The following ZEB1 variants were observed in gnomAD, a reference collection of about 807,000 sequenced individuals.
ZEB1 encodes the protein zinc finger E-box-binding homeobox 1.
Under a neutral mutation model 84.9 loss-of-function variants are expected in ZEB1, and 21 were observed. That is an observed-to-expected ratio of 0.25 (90% CI 0.18 to 0.36). ZEB1 has a LOEUF of 0.36. Ranked by LOEUF, ZEB1 falls within the 10% of genes least tolerant of loss-of-function variation. The pLI is 1.00. For missense variants in ZEB1, 1,104 were observed against 1,330.2 expected, an observed-to-expected ratio of 0.83 and a Z score of 2.65; for synonymous variants, 420 against 471.1, an observed-to-expected ratio of 0.89 and a Z score of 1.41.
At chr10:31,525,418 C>T (rs892360761) in intron 8 of ZEB1, among the ~76,000 whole-genome samples, 4 of 152,202 alleles carry the variant, frequency 2.6e-5, no homozygotes, top group African/African-American at 7.2e-5. Flanking sequence ...ATACTCCCAT[C>T]ATGGTGGATT....
In ZEB1 at chr10:31,528,351, T is replaced by C. The variant is rs959963490; in HGVS notation, c.*1087T>C. 3 of 152,204 alleles carry C rather than the reference T, an allele frequency of 2.0e-5. No homozygotes were observed. Among genetic ancestry groups the C allele is most frequent in the Non-Finnish European group, 4.4e-5 (3 of 68,030 alleles). The allele number at this position is 152,204 out of a possible 1,614,324, so 9.4% of individuals were successfully genotyped here. On this transcript the variant is annotated 3_prime_UTR_variant, in exon 9 of 9. Coordinates refer to ENST00000424869, the MANE Select transcript of ZEB1 (RefSeq NM_001174096.2). ...TTTATGTTGATTGATTTTCAGAATT[T>C]CTCTACAGAAACGAAAGGGAAATTT...
At chr10:31,493,316 A>G (rs1479667845) in intron 2 of ZEB1, among the ~76,000 whole-genome samples, 3 of 151,926 alleles carry the variant, frequency 2.0e-5, no homozygotes, top group Non-Finnish European at 4.4e-5. Flanking sequence ...TTGCTGAGTA[A>G]TATTTCATGA....
At chr10:31,410,388 C>G (rs2054012229) in intron 1 of ZEB1, among the ~76,000 whole-genome samples, 1 of 152,174 alleles carries the variant, frequency 6.6e-6, no homozygotes. Context: ...TTTTGATACA[C>G]TGCCGGATTC....
intron 1 of ZEB1, among the ~76,000 whole-genome samples, chr10:31,392,724 C>T (rs1590766999): frequency 6.6e-6 from 1 of 151,594 alleles, no homozygotes; most frequent in East Asian, 1.9e-4. Context: ...ATATAAAAGA[C>T]AATTATTTTC....
intron 2 of ZEB1, among the ~76,000 whole-genome samples, chr10:31,483,964 A>T (rs756761452): frequency 6.6e-5 from 10 of 151,968 alleles, no homozygotes; most frequent in Non-Finnish European, 1.5e-4. Flanking sequence ...GCATAGTCAG[A>T]TCCTTTTGAT....
chr10:31,514,377 A>G (rs1249410107), intron 5 of ZEB1, among the ~76,000 whole-genome samples: 4 of 152,114 alleles, frequency 2.6e-5, no homozygotes, highest in Admixed American at 6.6e-5. Flanking sequence ...TGTCCCCACT[A>G]TCACTATCCT....
chr10:31,358,254 C>T (rs1405417144), intron 1 of ZEB1: 1 of 152,184 alleles, frequency 6.6e-6, no homozygotes, highest in Admixed American at 6.5e-5. Flanking sequence ...AGGCTCTCAG[C>T]ATGGTCCACC....
At position 31,363,140 on chromosome 10, in the gene ZEB1, G is replaced by C. The variant is rs1336973548; in HGVS notation, c.58+43848G>C. On this transcript the variant is annotated intron_variant, in intron 1 of 8. Coordinates refer to ENST00000424869, the MANE Select transcript of ZEB1 (RefSeq NM_001174096.2). ...GACCTACTTGATCCAAGAGCTGCAG[G>C]ATCCTTGGGCTGCATGTCCTCCCCC... is the stretch of plus-strand genomic sequence containing the variant. The C allele has an allele frequency of 3.3e-6, 5 of 1,533,918 alleles. No individual in the cohort carries two copies. In the East Asian group the frequency reaches 1.2e-4, roughly 37 times the overall value.
rs112499722 is a variant in ZEB1, at chr10:31,450,910, C to CTG, written c.59-10112_59-10111dup. Among the ~76,000 whole-genome samples, 900 of 146,634 alleles carry CTG rather than the reference C, an allele frequency of 6.1e-3. 6 individuals carry two copies. The highest frequency in any genetic ancestry group is 0.021 in the Middle Eastern group (6 of 286). On this transcript the variant is annotated intron_variant, in intron 1 of 8. Transcript: ENST00000424869. ...TGTGTGCGTGCGTGCGCATGTGTGC[C>CTG]TGTGTGTGTGTGTGTGCACATGCAT...
chr10:31,476,666 T>A (rs78370956), intron 2 of ZEB1, among the ~76,000 whole-genome samples: 7,503 of 152,016 alleles, frequency 0.049, 596 homozygotes, highest in African/African-American at 0.17. Context: ...TCAACAAAAT[T>A]CTAGCAAACC....
At chr10:31,356,999 G>A (rs1355117152) in intron 1 of ZEB1, among the ~76,000 whole-genome samples, 1 of 152,044 alleles carries the variant, frequency 6.6e-6, no homozygotes. Flanking sequence ...GGGCAAAATC[G>A]ACCTGTTAAA....
intron 1 of ZEB1, among the ~76,000 whole-genome samples, chr10:31,417,665 T>C (rs2055447312): frequency 1.3e-5 from 2 of 152,180 alleles, no homozygotes; most frequent in African/African-American, 4.8e-5. Flanking sequence ...TATTTCCTGA[T>C]GTTTTGTTTA....
chr10:31,388,339 A>C (rs1240701509), intron 1 of ZEB1, among the ~76,000 whole-genome samples: 1 of 152,162 alleles, frequency 6.6e-6, no homozygotes, highest in African/African-American at 2.4e-5. Flanking sequence ...TGAAGACTTT[A>C]GTTCTACAAA....
intron 4 of ZEB1, among the ~76,000 whole-genome samples, chr10:31,507,841 G>T (rs902910136): frequency 2.6e-5 from 4 of 151,716 alleles, no homozygotes; most frequent in African/African-American, 4.8e-5. Context: ...ATTTTGATTG[G>T]AATCTGTTGC....
Position 31,527,567 on chromosome 10 carries a change from G to T in ZEB1, c.*303G>T. ...TTAGAAAACCTTAATGACTCAGAGAGCAACAATACAAGAGGTTAAAGGAAG... is the reference window on the plus strand; with the variant it reads ...TTAGAAAACCTTAATGACTCAGAGATCAACAATACAAGAGGTTAAAGGAAG... On this transcript the variant is annotated 3_prime_UTR_variant, in exon 9 of 9. Coordinates refer to ENST00000424869, the MANE Select transcript of ZEB1 (RefSeq NM_001174096.2). The T allele has an allele frequency of 2.7e-6, 1 of 371,702 alleles. No homozygotes were observed. Among genetic ancestry groups the T allele is most frequent in the Non-Finnish European group, 4.9e-6 (1 of 203,332 alleles). 23.0% of individuals were successfully genotyped at this position (371,702 alleles called of 1,614,324 possible).
chr10:31,446,656 T>C (rs1365445898), intron 1 of ZEB1, among the ~76,000 whole-genome samples: 1 of 152,184 alleles, frequency 6.6e-6, no homozygotes, highest in Non-Finnish European at 1.5e-5. Context: ...ATTTCTGCCT[T>C]CATTTCGTTA....
At chr10:31,440,415 TAA>T (rs760317079) in intron 1 of ZEB1, among the ~76,000 whole-genome samples, 13 of 152,146 alleles carry the variant, frequency 8.5e-5, no homozygotes, top group Non-Finnish European at 1.3e-4. Flanking sequence ...CTCAAAATAA[TAA>T]GAGCTATTTA....
At chr10:31,411,168 A>G (rs2054166888) in intron 1 of ZEB1, among the ~76,000 whole-genome samples, 1 of 152,236 alleles carries the variant, frequency 6.6e-6, no homozygotes, top group African/African-American at 2.4e-5. Context: ...ACAGTATATC[A>G]GACCACAGTG....
intron 1 of ZEB1, among the ~76,000 whole-genome samples, chr10:31,352,374 T>C (rs951726792): frequency 2.0e-5 from 3 of 152,252 alleles, no homozygotes; most frequent in Non-Finnish European, 4.4e-5. Flanking sequence ...TGGCTTCTTA[T>C]TGGCCCTTCT....
Sources: allele counts gnomAD v4.1 joint callset (sites outside exome capture counted in the v4.1 genomes callset), GRCh38; gene constraint gnomAD v4.1.1; transcripts MANE v1.5; gene names NCBI Gene and HGNC (gene_info 2026-07-23, HGNC 2026-07-21).